The following TACR3 variants were observed in gnomAD, a reference collection of about 807,000 sequenced individuals.
TACR3 encodes the protein neuromedin-K receptor.
TACR3 carries 34 observed loss-of-function variants against 35.0 expected under a neutral mutation model. The ratio of observed to expected loss-of-function variants is 0.97; its 90% CI spans 0.74 to 1.30. TACR3 has a LOEUF of 1.30. Among genes scored for constraint, TACR3 ranks in the 50% most tolerant of loss-of-function variants. TACR3 has a pLI of 0.00. For synonymous variants in TACR3, 233 were observed against 221.1 expected, an observed-to-expected ratio of 1.05 and a Z score of -0.48; for missense variants, 558 against 591.7, an observed-to-expected ratio of 0.94 and a Z score of 0.59.
intron 3 of TACR3, among the ~76,000 whole-genome samples, chr4:103,623,274 T>C (rs1361264707): frequency 6.6e-6 from 1 of 152,126 alleles, no homozygotes; most frequent in Non-Finnish European, 1.5e-5. Context: ...TGTAATCTGG[T>C]ACTTTAGTTG....
intron 1 of TACR3, among the ~76,000 whole-genome samples, chr4:103,688,961 G>A (rs1183579489): frequency 1.3e-5 from 2 of 152,028 alleles, no homozygotes; most frequent in Non-Finnish European, 2.9e-5. Flanking sequence ...TATGTTTATT[G>A]CGGCACTATT....
At chr4:103,702,440 T>G (rs563373867) in intron 1 of TACR3, among the ~76,000 whole-genome samples, 3 of 152,200 alleles carry the variant, frequency 2.0e-5, no homozygotes, top group Non-Finnish European at 4.4e-5. Context: ...GGAACACTTT[T>G]ACACTGTTGG....
At chr4:103,613,607 A>G (rs751478605) in intron 3 of TACR3, among the ~76,000 whole-genome samples, 3 of 152,062 alleles carry the variant, frequency 2.0e-5, no homozygotes, top group Non-Finnish European at 4.4e-5. Flanking sequence ...GATTATAGGC[A>G]TGAGCCACCG....
intron 3 of TACR3, among the ~76,000 whole-genome samples, chr4:103,644,387 T>G (rs770835783): frequency 6.6e-6 from 1 of 151,924 alleles, no homozygotes; most frequent in African/African-American, 2.4e-5. Context: ...TTTAGCTATT[T>G]TTCTTTTAAG....
intron 3 of TACR3, among the ~76,000 whole-genome samples, chr4:103,595,147 A>G (rs193245773): frequency 4.7e-4 from 72 of 152,316 alleles, no homozygotes; most frequent in African/African-American, 1.7e-3. Context: ...TGCAGGTGCT[A>G]TGAGCAGTTA....
At chr4:103,620,010 T>G (rs982963710) in intron 3 of TACR3, among the ~76,000 whole-genome samples, 1 of 151,950 alleles carries the variant, frequency 6.6e-6, no homozygotes, top group African/African-American at 2.4e-5. Context: ...ACCTGACAAA[T>G]GTCTGATATC....
At chr4:103,615,182 C>T (rs1382545036) in intron 3 of TACR3, among the ~76,000 whole-genome samples, 1 of 151,964 alleles carries the variant, frequency 6.6e-6, no homozygotes, top group Non-Finnish European at 1.5e-5. Context: ...AGGCGTGAGC[C>T]ACCGCGCCCG....
chr4:103,639,486 G>A (rs974390508), intron 3 of TACR3, among the ~76,000 whole-genome samples: 21 of 151,834 alleles, frequency 1.4e-4, no homozygotes, highest in African/African-American at 4.6e-4. Context: ...GATATACCTA[G>A]TGCTAAATGA....
intron 1 of TACR3, among the ~76,000 whole-genome samples, chr4:103,698,909 C>T (rs978504253): frequency 1.6e-4 from 24 of 152,126 alleles, no homozygotes; most frequent in Middle Eastern, 3.4e-3. Context: ...ACATGTACCC[C>T]CCATAAATAT....
intron 1 of TACR3, among the ~76,000 whole-genome samples, chr4:103,659,737 G>A (rs957535039): frequency 6.6e-6 from 1 of 152,130 alleles, no homozygotes; most frequent in Non-Finnish European, 1.5e-5. Context: ...GGGGAAGTTA[G>A]GAATTCTGTA....
At chr4:103,618,648 T>A (rs1724711754) in intron 3 of TACR3, among the ~76,000 whole-genome samples, 1 of 149,410 alleles carries the variant, frequency 6.7e-6, no homozygotes, top group Admixed American at 6.7e-5. Flanking sequence ...ACAGGTAGTT[T>A]GATAGGAATA....
At chr4:103,679,841 T>C (rs182201089) in intron 1 of TACR3, among the ~76,000 whole-genome samples, 41 of 151,982 alleles carry the variant, frequency 2.7e-4, no homozygotes, top group African/African-American at 7.2e-4. Flanking sequence ...ATATCAATTA[T>C]CTCTAACAAA....
At chr4:103,713,430 C>G (rs1202065941) in intron 1 of TACR3, among the ~76,000 whole-genome samples, 1 of 129,404 alleles carries the variant, frequency 7.7e-6, no homozygotes. Flanking sequence ...AATGAGAACA[C>G]ATGGACACAG....
intron 3 of TACR3, among the ~76,000 whole-genome samples, chr4:103,610,902 C>A: frequency 6.6e-6 from 1 of 152,036 alleles, no homozygotes; most frequent in East Asian, 1.9e-4. Context: ...AATGTGTGTT[C>A]TTGGTGCATT....
chr4:103,687,827 G>A (rs976770407), intron 1 of TACR3, among the ~76,000 whole-genome samples: 1 of 152,042 alleles, frequency 6.6e-6, no homozygotes, highest in Non-Finnish European at 1.5e-5. Context: ...ACTGCCCAAG[G>A]TAATTTATAG....
intron 1 of TACR3, among the ~76,000 whole-genome samples, chr4:103,680,484 TATAC>T (rs1722018920): frequency 9.4e-6 from 1 of 106,094 alleles, no homozygotes; most frequent in Admixed American, 9.6e-5. Flanking sequence ...TATATATATA[TATAC>T]ATACATACAC....
rs369042897 is a variant in TACR3 at position 103,595,836 on chromosome 4, G to T, written c.889-4153C>A. Among the ~76,000 whole-genome samples the T allele has an allele frequency of 3.6e-4, 54 of 150,508 alleles. 1 individual carries two copies. In the East Asian group the frequency reaches 6.9e-3, roughly 19 times the overall value. On this transcript the variant is annotated intron_variant, in intron 3 of 4. Transcript: ENST00000304883. ...ACATATGTATACATGTGCCATGCTG[G>T]TGTGCTGCACCCACTAACTCATCAT...
chr4:103,702,061 A>G (rs1379493407), intron 1 of TACR3, among the ~76,000 whole-genome samples: 1 of 152,224 alleles, frequency 6.6e-6, no homozygotes, highest in African/African-American at 2.4e-5. Flanking sequence ...GGATCTAATT[A>G]AACTAAAGAG....
intron 4 of TACR3, chr4:103,591,241 C>T (rs1578215681): frequency 2.0e-6 from 1 of 505,174 alleles, no homozygotes. Flanking sequence ...AGAAGTTGGC[C>T]CATAGAAGAA....
Sources: allele counts gnomAD v4.1 joint callset (sites outside exome capture counted in the v4.1 genomes callset), GRCh38; gene constraint gnomAD v4.1.1; transcripts MANE v1.5; gene names NCBI Gene and HGNC (gene_info 2026-07-23, HGNC 2026-07-21).